The following GSDMD variants were observed in gnomAD, a reference collection of about 807,000 sequenced individuals.
GSDMD encodes gasdermin D, also known as gasdermin-D.
GSDMD carries 46 observed loss-of-function variants against 46.7 expected under a neutral mutation model. The observed-to-expected ratio is 0.99, with a 90% confidence interval of 0.78 to 1.26. The LOEUF is 1.26. GSDMD is among the 50% of genes most tolerant of loss of function. The pLI is 0.00. For missense variants in GSDMD, 649 were observed against 638.8 expected (o/e 1.02, Z -0.17); for synonymous variants, 307 against 283.1 (o/e 1.08, Z -0.85).
intron 4 of GSDMD, 60 bp downstream of exon 4, chr8:143,560,831 C>T (rs570658401): frequency 3.3e-5 from 48 of 1,454,092 alleles, no homozygotes; most frequent in South Asian, 3.0e-4. Flanking sequence ...CGGCGGGTGA[C>T]GGAGGCGGCG....
upstream of GSDMD, among the ~76,000 whole-genome samples, chr8:143,557,283 TTGCCGCTATGGCGAAGGATGC>T (rs1164777053): frequency 4.7e-5 from 5 of 105,312 alleles, no homozygotes; most frequent in Admixed American, 3.4e-4. Context: ...GGTTTCCACC[TTGCCGCTATGGCGAAGGATGC>T]TGCCGCTATG....
rs1030910814 is a variant in GSDMD at position 143,558,400 on chromosome 8, C to G, written c.-56C>G. 8 of 1,514,844 alleles carry G rather than the reference C, an allele frequency of 5.3e-6. No individual in the cohort carries two copies. The highest frequency in any genetic ancestry group is 7.0e-6 in the Non-Finnish European group (8 of 1,138,140). 93.8% of individuals were successfully genotyped at this position (1,514,844 alleles called of 1,614,324 possible). On this transcript the variant is annotated 5_prime_UTR_variant, in exon 1 of 11. Transcript: ENST00000262580. ...CAGCTCCTGCTCGCCGGACGGCTCC[C>G]AGGGAGAGCAGACGCGCCAGACGCG...
chr8:143,560,074 A>T (rs73375262), intron 3 of GSDMD, 105 bp downstream of exon 3: 3 of 1,131,288 alleles, frequency 2.7e-6, no homozygotes, highest in South Asian at 2.7e-5. Flanking sequence ...AGGTTTTGCT[A>T]TCTCGGCCAG....
At chr8:143,560,294 G>A (rs565786010) in intron 3 of GSDMD, 22 of 687,530 alleles carry the variant, frequency 3.2e-5, no homozygotes, top group African/African-American at 7.0e-5. Context: ...TGGGGCCTCC[G>A]CTGCCAGGAC....
At chr8:143,560,464 A>C (rs1285009935) in intron 3 of GSDMD, 139 bp from the exon 4 acceptor site, 1 of 856,730 alleles carries the variant, frequency 1.2e-6, no homozygotes, top group African/African-American at 1.7e-5. Flanking sequence ...GCACACGGAG[A>C]GGCTGCCGGT....
chr8:143,555,641 G>A (rs556639746), upstream of GSDMD, among the ~76,000 whole-genome samples: 4 of 152,314 alleles, frequency 2.6e-5, no homozygotes, highest in Admixed American at 2.0e-4. Context: ...CAGCAGGGAC[G>A]GGCTGCCACA....
At chr8:143,553,730 T>C (rs1485440274), upstream of GSDMD, 2 of 146,930 alleles carry the variant, frequency 1.4e-5, no homozygotes, top group Non-Finnish European at 1.5e-5. Context: ...ACAGAGCACC[T>C]GTCCTCGCCA....
In GSDMD at chr8:143,562,838, G is replaced by T. The variant is rs773675604; in HGVS notation, c.1389G>T (p.Gln463His). The change falls in exon 11 of 11, where the codon CAG becomes CAT. Residue 463 changes from glutamine to histidine, a missense_variant. Coordinates refer to ENST00000262580, the MANE Select transcript of GSDMD (RefSeq NM_024736.7). ...TPHVCWEPQA[Q>H]GRMCALYASL... is the part of the protein sequence containing the mutation. The stretch of plus-strand genomic sequence containing the variant: ...ACGTGTGCTGGGAGCCGCAGGCCCA[G>T]GGCCGCATGTGTGCACTCTACGCCT... 1.5e-5 allele frequency: 24 copies of T among 1,611,650 alleles called. No individual in the cohort carries two copies. Among genetic ancestry groups the T allele is most frequent in the Non-Finnish European group, 5.9e-6 (7 of 1,179,582 alleles).
rs1563904731 is a variant in GSDMD, at chr8:143,559,449, C to A, written c.114C>A (p.Cys38Ter). The A allele has an allele frequency of 6.2e-7, 1 of 1,612,848 alleles. No homozygotes were observed. ...LQSSTGFQPY[C>*]LVVRKPSSSW... is the part of the protein sequence containing the mutation. ...GCTCCACTGGCTTCCAGCCCTACTG[C>A]CTGGTGGTTAGGAAGCCCTCAAGCT... The change falls in exon 2 of 11, where the codon TGC becomes TGA. Residue 38 changes from cysteine (C) to a stop codon, truncating the protein, a stop_gained. Coordinates refer to ENST00000262580, the MANE Select transcript of GSDMD (RefSeq NM_024736.7). LOFTEE classifies it high-confidence loss of function.
upstream of GSDMD, among the ~76,000 whole-genome samples, chr8:143,556,504 C>T (rs1823299076): frequency 6.6e-6 from 1 of 152,224 alleles, no homozygotes; most frequent in African/African-American, 2.4e-5. Context: ...GTGATTGTGC[C>T]ACTGCACTCC....
upstream of GSDMD, among the ~76,000 whole-genome samples, chr8:143,556,905 G>A (rs1270031087): frequency 2.0e-5 from 3 of 152,220 alleles, no homozygotes; most frequent in Admixed American, 1.3e-4. Context: ...CAATTCTGTG[G>A]GTCTTAGCAT....
intron 9 of GSDMD, 48 bp from the exon 10 acceptor site, chr8:143,562,400 T>TGGA: frequency 6.4e-7 from 1 of 1,557,702 alleles, no homozygotes. Flanking sequence ...GGAGGTGGGC[T>TGGA]TTCCCGGTGG....
chr8:143,556,960 T>C (rs1371289175), upstream of GSDMD, among the ~76,000 whole-genome samples: 4 of 152,258 alleles, frequency 2.6e-5, no homozygotes, highest in African/African-American at 9.6e-5. Context: ...ATCAAAACAC[T>C]TCCTCACCCC....
upstream of GSDMD, among the ~76,000 whole-genome samples, chr8:143,554,226 G>A (rs374172016): frequency 1.3e-5 from 2 of 152,250 alleles, no homozygotes; most frequent in East Asian, 3.8e-4. Flanking sequence ...CACACACAGC[G>A]ACATGTGCAC....
Position 143,562,349 on chromosome 8 carries a change from C to T in GSDMD, c.1137C>T (p.Thr379=). Residue 379 remains threonine (T), a splice_region_variant and synonymous_variant, in exon 9 of 11, where the codon ACC becomes ACT. Transcript: ENST00000262580. ...IPVVYLLGAL[T]MLSETQHKLL... ...TTGTCTACCTGCTGGGGGCACTGAC[C>T]AGTGAGCGGCCGCTGGGGGCAGGTG... The T allele has an allele frequency of 7.6e-7, 1 of 1,323,992 alleles. No homozygotes were observed. The highest frequency in any genetic ancestry group is 9.9e-7 in the Non-Finnish European group (1 of 1,010,290). 82.0% of individuals were successfully genotyped at this position (1,323,992 alleles called of 1,614,324 possible).
intron 1 of GSDMD, chr8:143,559,023 C>A: frequency 2.2e-6 from 1 of 444,792 alleles, no homozygotes; most frequent in Non-Finnish European, 4.1e-6. Flanking sequence ...TTGTTTCCTC[C>A]CAGCCAGAGG....
rs142072236 is a variant in GSDMD, at chr8:143,560,652, G to A, written c.460G>A (p.Gly154Arg). Residue 154 changes from glycine to arginine, a missense_variant, in exon 4 of 11, where the codon GGG becomes AGG. Transcript: ENST00000262580. ...AGTCCTGCAGCAGCTGCGCAGCCGC[G>A]GGGACAACGTGTACGTGGTGACTGA... ...HKVLQQLRSR[G>R]DNVYVVTEVL... 3.5e-4 allele frequency: 552 copies of A among 1,590,236 alleles called. 5 individuals are homozygous for A. The highest frequency in any genetic ancestry group is 2.2e-3 in the South Asian group (193 of 87,784).
At chr8:143,558,285 C>T (rs998103623), upstream of GSDMD, 12 of 1,480,436 alleles carry the variant, frequency 8.1e-6, no homozygotes, top group Admixed American at 2.8e-4. Flanking sequence ...AGGAAGGGGG[C>T]CGGGGCGGGC....
At chr8:143,558,486 T>C in intron 1 of GSDMD, 35 bp downstream of exon 1, 1 of 1,440,924 alleles carries the variant, frequency 6.9e-7, no homozygotes, top group South Asian at 1.4e-5. Context: ...CCGGCCTGGC[T>C]GGAGCTCCCG....
Sources: allele counts gnomAD v4.1 joint callset (sites outside exome capture counted in the v4.1 genomes callset), GRCh38; gene constraint gnomAD v4.1.1; transcripts MANE v1.5; gene names NCBI Gene and HGNC (gene_info 2026-07-23, HGNC 2026-07-21).